The following ACE variants were observed in gnomAD, a reference collection of about 807,000 sequenced individuals.
ACE encodes the protein angiotensin I converting enzyme.
In ACE, 122 loss-of-function variants were observed where a neutral mutation model predicts 162.3. The observed-to-expected ratio is 0.75, with a 90% CI of 0.65 to 0.87. The LOEUF (loss-of-function observed/expected upper bound fraction) is 0.87. ACE is among the 40% of genes least tolerant of loss of function. The pLI is 0.00. For missense variants in ACE, 1,799 were observed against 1,735.1 expected, an observed-to-expected ratio of 1.04 and a Z score of -0.65; for synonymous variants, 796 against 720.6, an observed-to-expected ratio of 1.10 and a Z score of -1.68.
At chr17:63,478,883 C>T (rs749975297) in intron 2 of ACE, 124 bp from the exon 3 acceptor site, 109 of 779,078 alleles carry the variant, frequency 1.4e-4, no homozygotes, top group Non-Finnish European at 2.1e-4. Flanking sequence ...AGAAGTGCCC[C>T]GGTGCCACTG....
chr17:63,498,249 T>A lies in ACE; in HGVS notation c.*883T>A, dbSNP rs912006925. On this transcript the variant is annotated 3_prime_UTR_variant, in exon 25 of 25. Transcript: ENST00000290866. ...GGCGTCCCAGCACACACCTCCTCACTCCCTGCATTGGAGGGAGTGTCATTT... is the reference window on the plus strand; with the variant it reads ...GGCGTCCCAGCACACACCTCCTCACACCCTGCATTGGAGGGAGTGTCATTT... 2 of 152,244 alleles carry A rather than the reference T, an allele frequency of 1.3e-5. No homozygotes were observed. Among genetic ancestry groups the A allele is most frequent in the Non-Finnish European group, 2.9e-5 (2 of 68,046 alleles). 9.4% of individuals were successfully genotyped at this position (152,244 alleles called of 1,614,324 possible).
At chr17:63,482,968 C>A in intron 8 of ACE, 61 bp from the exon 9 acceptor site, 1 of 1,573,112 alleles carries the variant, frequency 6.4e-7, no homozygotes, top group South Asian at 1.1e-5. Context: ...AGCCCACACT[C>A]TTAGGGGACC....
chr17:63,484,750 C>T lies in ACE; in HGVS notation c.1921+209C>T. ...GCATCCTAGAGAGGGTGTGCTCAGACCTGAGGGCCCCTCCCCTTCCAGAGG... is the reference window on the plus strand; with the variant it reads ...GCATCCTAGAGAGGGTGTGCTCAGATCTGAGGGCCCCTCCCCTTCCAGAGG... On this transcript the variant is annotated intron_variant, in intron 12 of 24. Transcript: ENST00000290866. The surrounding 1 kb of genome is among the most constrained non-coding windows in gnomAD (Gnocchi z 4.0). 3 of 1,469,076 alleles carry T rather than the reference C, an allele frequency of 2.0e-6. No individual in the cohort carries two copies. The highest frequency in any genetic ancestry group is 2.8e-5 in the African/African-American group (2 of 71,218). The allele number at this position is 1,469,076 out of a possible 1,614,324, so 91.0% of individuals were successfully genotyped here.
intron 9 of ACE, 140 bp downstream of exon 9, chr17:63,483,313 C>T: frequency 5.3e-6 from 8 of 1,520,416 alleles, no homozygotes; most frequent in Middle Eastern, 1.8e-4. Flanking sequence ...CTTCTCCTTT[C>T]CTGCCTGAAA....
intron 6 of ACE, 23 bp downstream of exon 6, chr17:63,481,211 G>A: frequency 6.3e-7 from 1 of 1,592,868 alleles, no homozygotes; most frequent in South Asian, 1.1e-5. Context: ...CTCAAGCCTG[G>A]GGTGGTGGGG....
chr17:63,478,410 A>G (rs1391695496), intron 2 of ACE: 1 of 400,660 alleles, frequency 2.5e-6, no homozygotes, highest in East Asian at 5.5e-5. Flanking sequence ...TCAAGCCTGT[A>G]ATCCCAGCAC....
At chr17:63,489,431 G>A (rs1346599361) in intron 17 of ACE, among the ~76,000 whole-genome samples, 2 of 152,186 alleles carry the variant, frequency 1.3e-5, no homozygotes, top group Admixed American at 6.5e-5. Context: ...GATCTTAGAG[G>A]GCGAGGAAGA....
chr17:63,486,237 A>C, intron 13 of ACE: 1 of 424,306 alleles, frequency 2.4e-6, no homozygotes, highest in Non-Finnish European at 4.4e-6. Context: ...ATTTGATATT[A>C]ACTCTGAGGT....
Position 63,496,425 on chromosome 17 carries a change from T to C in ACE, c.3412T>C (p.Phe1138Leu). ...TGTCAGCTTCATCATCCAGTTCCAG[T>C]TCCACGAGGCACTGTGCCAGGCAGC... ...YFVSFIIQFQ[F>L]HEALCQAAGH... Residue 1138 changes from phenylalanine to leucine, a missense_variant, in exon 23 of 25, where the codon TTC (phenylalanine) becomes CTC (leucine). Coordinates refer to ENST00000290866, the MANE Select transcript of ACE (RefSeq NM_000789.4). The C allele has an allele frequency of 1.2e-6, 2 of 1,614,178 alleles. No homozygotes were observed. The highest frequency in any genetic ancestry group is 1.7e-6 in the Non-Finnish European group (2 of 1,180,026).
chr17:63,489,118 C>G lies in ACE; in HGVS notation c.2627C>G (p.Pro876Arg). 1 of 1,610,090 alleles carries G rather than the reference C, an allele frequency of 6.2e-7. No homozygotes were observed. The highest frequency in any genetic ancestry group is 8.5e-7 in the Non-Finnish European group (1 of 1,179,992). The change falls in exon 17 of 25, where the codon CCT becomes CGT. Residue 876 changes from proline (P) to arginine (R), a missense_variant. Transcript: ENST00000290866. ...AQHINLEGPI[P>R]AHLLGNMWAQ... Reference sequence around the variant, plus strand: ...CACATCAACCTGGAGGGGCCCATTCCTGCTCACCTGCTGGGTAAGGGCACA... The same window carrying G: ...CACATCAACCTGGAGGGGCCCATTCGTGCTCACCTGCTGGGTAAGGGCACA...
At chr17:63,495,443 C>T (rs558584384) in intron 22 of ACE, among the ~76,000 whole-genome samples, 114 of 152,338 alleles carry the variant, frequency 7.5e-4, no homozygotes, top group Middle Eastern at 6.8e-3. Flanking sequence ...AGGGCCCATG[C>T]CCACCTTGCC....
At chr17:63,493,299 C>T in intron 19 of ACE, 137 bp from the exon 20 acceptor site, 3 of 802,634 alleles carry the variant, frequency 3.7e-6, no homozygotes, top group Non-Finnish European at 6.1e-6. Context: ...CTTCCCCTCC[C>T]TCCCCACAGT....
intron 17 of ACE, chr17:63,490,683 A>G (rs1442419399): frequency 2.0e-6 from 1 of 499,594 alleles, no homozygotes; most frequent in African/African-American, 1.9e-5. Context: ...TGCTAGTCAC[A>G]TTGGTCTCCA....
chr17:63,486,373 T>A lies in ACE; in HGVS notation c.2059-184T>A, dbSNP rs556336261. ...CTTGACCGCAGGCATCCAGGGAGGG[T>A]GAGTACTGCATCCAGGACGTTATCA... On this transcript the variant is annotated intron_variant, in intron 13 of 24. Transcript: ENST00000290866. The A allele has an allele frequency of 1.3e-4, 88 of 670,038 alleles. No homozygotes were observed. The Middle Eastern group carries it at 2.4e-3, about 18-fold the overall frequency. The allele number at this position is 670,038 out of a possible 1,614,324, so 41.5% of individuals were successfully genotyped here.
chr17:63,496,509 C>G lies in ACE; in HGVS notation c.3496C>G (p.Arg1166Gly). The G allele has an allele frequency of 2.5e-6, 4 of 1,614,092 alleles. No individual in the cohort carries two copies. Among genetic ancestry groups the G allele is most frequent in the Admixed American group, 1.7e-5 (1 of 60,038 alleles). ...DIYQSKEAGQ[R>G]LATAMKLGFS... is the part of the protein sequence containing the mutation. ...CTACCAGTCCAAGGAGGCCGGGCAGCGCCTGGCGTGAGTGTCCTCCAGCCC... is the reference window on the plus strand; with the variant it reads ...CTACCAGTCCAAGGAGGCCGGGCAGGGCCTGGCGTGAGTGTCCTCCAGCCC... The change falls in exon 23 of 25, where the codon CGC becomes GGC. Residue 1166 changes from arginine (R) to glycine (G), a missense_variant. By Grantham distance (125) the Arg-to-Gly change is moderately radical. Coordinates refer to ENST00000290866, the MANE Select transcript of ACE (RefSeq NM_000789.4).
At chr17:63,485,097 CA>C (rs1356999081) in intron 12 of ACE, 138 bp from the exon 13 acceptor site, 1 of 1,594,816 alleles carries the variant, frequency 6.3e-7, no homozygotes. Flanking sequence ...GGCAGGGTGC[CA>C]GGGGTGGGAG....
chr17:63,496,854 C>G lies in ACE; in HGVS notation c.3560C>G (p.Thr1187Arg). 1 of 1,613,538 alleles carries G rather than the reference C, an allele frequency of 6.2e-7. No homozygotes were observed. Among genetic ancestry groups the G allele is most frequent in the Non-Finnish European group, 8.5e-7 (1 of 1,180,032 alleles). Residue 1187 changes from threonine to arginine, a missense_variant, in exon 24 of 25, where the codon ACG becomes AGG. By Grantham distance (71) the Thr-to-Arg change is moderately conservative (BLOSUM62 -1). Coordinates refer to ENST00000290866, the MANE Select transcript of ACE (RefSeq NM_000789.4). ...RPWPEAMQLI[T>R]GQPNMSASAM... is the part of the protein sequence containing the mutation. ...TGGCCGGAAGCCATGCAGCTGATCA[C>G]GGGCCAGCCCAACATGAGCGCCTCG...
At chr17:63,482,976 A>T in intron 8 of ACE, 53 bp from the exon 9 acceptor site, 2 of 1,547,750 alleles carry the variant, frequency 1.3e-6, no homozygotes, top group Non-Finnish European at 1.8e-6. Flanking sequence ...CTCTTAGGGG[A>T]CCCTCTTCTC....
chr17:63,494,301 C>T, intron 21 of ACE, 71 bp from the exon 22 acceptor site: 1 of 1,467,382 alleles, frequency 6.8e-7, no homozygotes, highest in Non-Finnish European at 9.5e-7. Context: ...GACCCTCCCT[C>T]AAGTCAAAAA....
Sources: gnomAD v4.1 joint callset for allele counts (sites outside exome capture counted in the v4.1 genomes callset) on GRCh38, gnomAD v4.1.1 for gene constraint, Gnocchi (gnomAD v3.1) non-coding constraint, MANE v1.5 for transcripts, NCBI Gene and HGNC (gene_info 2026-07-23, HGNC 2026-07-21) for gene names.